The following DAB1 variants were observed in gnomAD, a reference collection of about 807,000 sequenced individuals.
DAB1 encodes disabled homolog 1.
In DAB1, 15 loss-of-function variants were observed where a neutral mutation model predicts 64.6. That is an observed-to-expected ratio of 0.23 (90% CI 0.16 to 0.36). The LOEUF is 0.36. DAB1 is among the 10% of genes least tolerant of loss of function. The probability of loss-of-function intolerance (pLI) is 1.00; values close to 1 mark genes in which losing one functional copy is unlikely to be tolerated. For synonymous variants in DAB1, 235 were observed against 251.9 expected (o/e 0.93, Z 0.64); for missense variants, 596 against 706.7 (o/e 0.84, Z 1.78).
chr1:57,009,035 G>C (rs1646183020), intron 14 of DAB1, among the ~76,000 whole-genome samples: 1 of 152,210 alleles, frequency 6.6e-6, no homozygotes, highest in South Asian at 2.1e-4. Flanking sequence ...AAGCTGAACA[G>C]GTTCATAAAG....
intron 5 of DAB1, among the ~76,000 whole-genome samples, chr1:57,977,350 TG>T (rs1313525559): frequency 6.6e-6 from 1 of 152,224 alleles, no homozygotes; most frequent in Non-Finnish European, 1.5e-5. Context: ...GATTAATCCC[TG>T]TCTTCATTAA....
At chr1:58,357,320 T>C (rs1253966949) in intron 3 of DAB1, among the ~76,000 whole-genome samples, 1 of 152,064 alleles carries the variant, frequency 6.6e-6, no homozygotes, top group East Asian at 1.9e-4. Context: ...AATTGAGTGC[T>C]GGGGGTGAGG....
intron 14 of DAB1, among the ~76,000 whole-genome samples, chr1:57,000,624 G>A (rs1462506309): frequency 6.6e-6 from 1 of 152,152 alleles, no homozygotes; most frequent in Non-Finnish European, 1.5e-5. Context: ...GTGTGTTTGT[G>A]TTCTACAAGT....
chr1:57,682,029 T>C (rs568954354), intron 6 of DAB1, among the ~76,000 whole-genome samples: 3 of 152,014 alleles, frequency 2.0e-5, no homozygotes, highest in African/African-American at 7.2e-5. Flanking sequence ...GAACATCTCA[T>C]TCTGAAACAG....
intron 4 of DAB1, among the ~76,000 whole-genome samples, chr1:58,197,157 C>G (rs146925739): frequency 6.6e-6 from 1 of 152,084 alleles, no homozygotes; most frequent in African/African-American, 2.4e-5. Flanking sequence ...GGAGCAGAAA[C>G]CCCCTGCAAG....
chr1:57,062,250 C>T (rs1032877110), intron 9 of DAB1, among the ~76,000 whole-genome samples: 23 of 152,210 alleles, frequency 1.5e-4, no homozygotes, highest in Non-Finnish European at 4.4e-5. Context: ...GGGTTCTCCA[C>T]AAGCCCATTG....
At chr1:57,596,799 C>T (rs1030991656) in intron 7 of DAB1, among the ~76,000 whole-genome samples, 3 of 152,154 alleles carry the variant, frequency 2.0e-5, no homozygotes, top group Admixed American at 6.5e-5. Context: ...AAACACAGCG[C>T]GTGGATAGAA....
At chr1:58,048,641 C>T (rs901274750) in intron 5 of DAB1, 61 of 1,231,980 alleles carry the variant, frequency 5.0e-5, no homozygotes, top group Admixed American at 1.0e-4. Context: ...GTTTCCTCCA[C>T]AACCAAAGTT....
chr1:58,225,512 C>T (rs1382098256), intron 4 of DAB1, among the ~76,000 whole-genome samples: 2 of 151,784 alleles, frequency 1.3e-5, no homozygotes, highest in Non-Finnish European at 2.9e-5. Context: ...CACATGCACA[C>T]GTATGTTTAT....
intron 3 of DAB1, among the ~76,000 whole-genome samples, chr1:57,138,983 GT>G (rs1348753615): frequency 6.6e-6 from 1 of 152,164 alleles, no homozygotes; most frequent in Non-Finnish European, 1.5e-5. Flanking sequence ...GAGAAGGAAA[GT>G]GACTTTCCCT....
At chr1:57,338,518 G>A (rs1030471785) in intron 1 of DAB1, among the ~76,000 whole-genome samples, 1 of 152,256 alleles carries the variant, frequency 6.6e-6, no homozygotes, top group South Asian at 2.1e-4. Flanking sequence ...CTGGTAGACT[G>A]AACCCAAGGA....
intron 3 of DAB1, among the ~76,000 whole-genome samples, chr1:58,476,339 T>C (rs1303186925): frequency 6.6e-6 from 1 of 152,178 alleles, no homozygotes; most frequent in African/African-American, 2.4e-5. Context: ...GAAACAGAGC[T>C]GCACTGTGAC....
intron 7 of DAB1, among the ~76,000 whole-genome samples, chr1:57,520,331 C>A (rs1644510440): frequency 6.6e-6 from 1 of 152,010 alleles, no homozygotes; most frequent in African/African-American, 2.4e-5. Context: ...AATAAGCTAC[C>A]AGTTTCTATT....
chr1:57,037,198 C>A (rs548019118), intron 9 of DAB1, among the ~76,000 whole-genome samples: 1 of 152,314 alleles, frequency 6.6e-6, no homozygotes, highest in East Asian at 1.9e-4. Context: ...GGGGAATAAA[C>A]TCTCAGTAGG....
intron 2 of DAB1, among the ~76,000 whole-genome samples, chr1:57,276,437 A>G (rs934082542): frequency 6.6e-6 from 1 of 152,272 alleles, no homozygotes; most frequent in Non-Finnish European, 1.5e-5. Flanking sequence ...AGGCCAATGA[A>G]TTACCTATTT....
At chr1:58,405,018 G>A (rs1055026971) in intron 3 of DAB1, among the ~76,000 whole-genome samples, 4 of 152,132 alleles carry the variant, frequency 2.6e-5, no homozygotes, top group Non-Finnish European at 5.9e-5. Flanking sequence ...GTCAGTCTAT[G>A]AAGCACCATT....
At chr1:58,153,664 T>C (rs1655068296) in intron 4 of DAB1, among the ~76,000 whole-genome samples, 1 of 152,032 alleles carries the variant, frequency 6.6e-6, no homozygotes, top group African/African-American at 2.4e-5. Context: ...TTCTATTCTT[T>C]CCTTTTCTCA....
intron 6 of DAB1, among the ~76,000 whole-genome samples, chr1:57,718,585 G>A (rs895204720): frequency 2.6e-5 from 4 of 152,028 alleles, no homozygotes; most frequent in Non-Finnish European, 1.5e-5. Flanking sequence ...ATGAAATGCA[G>A]GATCAGTTAC....
At chr1:57,031,085 G>T (rs1467971278) in intron 9 of DAB1, among the ~76,000 whole-genome samples, 1 of 152,138 alleles carries the variant, frequency 6.6e-6, no homozygotes, top group African/African-American at 2.4e-5. Context: ...TTGAGATATA[G>T]ACTTTCCTTT....
Sources: allele counts gnomAD v4.1 joint callset (sites outside exome capture counted in the v4.1 genomes callset), GRCh38; gene constraint gnomAD v4.1.1; transcripts MANE v1.5; gene names NCBI Gene and HGNC (gene_info 2026-07-23, HGNC 2026-07-21).